Variants in MYO1E observed in about 807,000 individuals in gnomAD.
MYO1E encodes unconventional myosin-Ie.
Under a neutral mutation model 151.1 loss-of-function variants are expected in MYO1E, and 68 were observed. The ratio of observed to expected loss-of-function variants is 0.45; its 90% CI spans 0.37 to 0.55. The LOEUF (loss-of-function observed/expected upper bound fraction) is 0.55, where lower values mean the gene tolerates loss of function less well. MYO1E is among the 20% of genes least tolerant of loss of function. The pLI, the probability that MYO1E is intolerant of heterozygous loss-of-function variation, is 0.00. For synonymous variants in MYO1E, 601 were observed against 501.7 expected, an observed-to-expected ratio of 1.20 and a Z score of -2.64; for missense variants, 1,363 against 1,389.3, an observed-to-expected ratio of 0.98 and a Z score of 0.30.
chr15:59,346,980 G>A (rs1226017807), intron 1 of MYO1E, among the ~76,000 whole-genome samples: 1 of 151,982 alleles, frequency 6.6e-6, no homozygotes, highest in African/African-American at 2.4e-5. Flanking sequence ...ATGAATGGAG[G>A]CCCCTGAAAG....
At chr15:59,189,578 TTTTC>T (rs1180498248) in intron 17 of MYO1E, among the ~76,000 whole-genome samples, 2 of 151,914 alleles carry the variant, frequency 1.3e-5, no homozygotes, top group African/African-American at 2.4e-5. Context: ...ACTTTCTTTC[TTTTC>T]TTTCTTTCTT....
intron 1 of MYO1E, among the ~76,000 whole-genome samples, chr15:59,346,456 A>C (rs1477334896): frequency 1.3e-5 from 2 of 152,198 alleles, no homozygotes; most frequent in Non-Finnish European, 2.9e-5. Flanking sequence ...AAAATGCTAC[A>C]ATCCCTCTAT....
At chr15:59,193,094 T>C (rs770694634) in intron 17 of MYO1E, among the ~76,000 whole-genome samples, 19 of 66,380 alleles carry the variant, frequency 2.9e-4, no homozygotes, top group African/African-American at 4.5e-4. Flanking sequence ...AGATCAGTGA[T>C]TCTCAAAGTG....
intron 1 of MYO1E, among the ~76,000 whole-genome samples, chr15:59,275,540 G>GA (rs1225304470): frequency 6.6e-6 from 1 of 152,052 alleles, no homozygotes; most frequent in African/African-American, 2.4e-5. Context: ...TTTTACTGCT[G>GA]AAAAAACTGT....
intron 17 of MYO1E, among the ~76,000 whole-genome samples, chr15:59,188,505 G>A (rs2079712980): frequency 6.6e-6 from 1 of 152,006 alleles, no homozygotes; most frequent in Admixed American, 6.6e-5. Flanking sequence ...AGACCAGCCT[G>A]GCCAACATGG....
At chr15:59,193,532 G>C (rs2140328997) in intron 17 of MYO1E, among the ~76,000 whole-genome samples, 1 of 152,290 alleles carries the variant, frequency 6.6e-6, no homozygotes, top group East Asian at 1.9e-4. Flanking sequence ...GGCTAAGATG[G>C]GGAATGCTTA....
intron 18 of MYO1E, among the ~76,000 whole-genome samples, chr15:59,180,036 G>A (rs1428172547): frequency 6.6e-6 from 1 of 152,182 alleles, no homozygotes; most frequent in Non-Finnish European, 1.5e-5. Flanking sequence ...ACCTTGAGTG[G>A]CCCTGCCAGC....
At chr15:59,327,891 A>G (rs7170390) in intron 1 of MYO1E, among the ~76,000 whole-genome samples, 28,731 of 152,170 alleles carry the variant, frequency 0.19, 3,407 homozygotes, top group African/African-American at 0.33. Context: ...CCATTTCCAG[A>G]CATGTCTTGG....
At chr15:59,307,404 G>A (rs1429957055) in intron 1 of MYO1E, among the ~76,000 whole-genome samples, 1 of 152,186 alleles carries the variant, frequency 6.6e-6, no homozygotes, top group Non-Finnish European at 1.5e-5. Context: ...ACAGCAGCTG[G>A]GCAGCTGGGG....
At chr15:59,211,372 CTT>C (rs1464037769) in intron 12 of MYO1E, among the ~76,000 whole-genome samples, 2 of 152,092 alleles carry the variant, frequency 1.3e-5, no homozygotes, top group Non-Finnish European at 2.9e-5. Flanking sequence ...TTTGCCAGGT[CTT>C]TCTTATTTCC....
At chr15:59,268,829 G>A (rs916682960) in intron 2 of MYO1E, among the ~76,000 whole-genome samples, 9 of 146,244 alleles carry the variant, frequency 6.2e-5, no homozygotes, top group Non-Finnish European at 1.0e-4. Context: ...AGATATATAA[G>A]ACATAGTCCC....
intron 1 of MYO1E, among the ~76,000 whole-genome samples, chr15:59,330,394 G>C (rs1488065323): frequency 2.0e-5 from 3 of 152,170 alleles, no homozygotes; most frequent in Admixed American, 6.5e-5. Flanking sequence ...GCTGACATTA[G>C]GTCGGTGATG....
At chr15:59,279,357 C>T (rs1207815373) in intron 1 of MYO1E, among the ~76,000 whole-genome samples, 2 of 152,080 alleles carry the variant, frequency 1.3e-5, no homozygotes, top group African/African-American at 4.8e-5. Flanking sequence ...TCATTCAGCC[C>T]GGGACACTTT....
intron 26 of MYO1E, among the ~76,000 whole-genome samples, chr15:59,153,015 A>G (rs1370422085): frequency 6.6e-6 from 1 of 152,176 alleles, no homozygotes; most frequent in Admixed American, 6.5e-5. Flanking sequence ...ACCCCCTTTT[A>G]AAACTGATAG....
Position 59,299,292 on chromosome 15 carries a change from T to C in MYO1E, c.4-26843A>G, listed in dbSNP as rs141110261. ...GTAATGAGATACAAATTACTGGTAG[T>C]GCCCTCCAAAATTCCTCAGGCTTCA... On this transcript the variant is annotated intron_variant, in intron 1 of 27. Coordinates refer to ENST00000288235, the MANE Select transcript of MYO1E (RefSeq NM_004998.4). Among the ~76,000 whole-genome samples, 1,016 of 152,334 alleles carry C rather than the reference T, an allele frequency of 6.7e-3. 6 individuals are homozygous for C. The highest frequency in any genetic ancestry group is 0.023 in the African/African-American group (955 of 41,574).
chr15:59,163,447 C>T lies in MYO1E; in HGVS notation c.2481-144G>A, dbSNP rs902675866. ...TTTCTATAAGTAATAATCTTTCAAACAAAACCAACAACAATGAATTACATA... is the reference window on the plus strand; with the variant it reads ...TTTCTATAAGTAATAATCTTTCAAATAAAACCAACAACAATGAATTACATA... On this transcript the variant is annotated intron_variant, in intron 22 of 27. Coordinates refer to ENST00000288235, the MANE Select transcript of MYO1E (RefSeq NM_004998.4). The T allele has an allele frequency of 1.1e-5, 9 of 821,132 alleles. No homozygotes were observed. The African/African-American group carries it at 1.6e-4, about 14-fold the overall frequency. 50.9% of individuals were successfully genotyped at this position (821,132 alleles called of 1,614,324 possible). A position where few individuals can be genotyped will look rare whatever the true frequency, so the allele number is the denominator to read the frequency against.
At chr15:59,300,295 C>T (rs559478110) in intron 1 of MYO1E, among the ~76,000 whole-genome samples, 44 of 146,798 alleles carry the variant, frequency 3.0e-4, no homozygotes, top group South Asian at 1.5e-3. Flanking sequence ...GCCCAGCACG[C>T]GCACACACAC....
chr15:59,175,630 T>G (rs2079620201), intron 19 of MYO1E, among the ~76,000 whole-genome samples: 1 of 152,234 alleles, frequency 6.6e-6, no homozygotes, highest in South Asian at 2.1e-4. Flanking sequence ...CTGGACAGAA[T>G]GTTTAAAATC....
chr15:59,185,102 T>C (rs1044536383), intron 18 of MYO1E, among the ~76,000 whole-genome samples: 1 of 152,228 alleles, frequency 6.6e-6, no homozygotes, highest in Non-Finnish European at 1.5e-5. Context: ...GAAATGTCTC[T>C]TGAGATCTTT....
Sources: gnomAD v4.1 joint callset for allele counts (sites outside exome capture counted in the v4.1 genomes callset) on GRCh38, gnomAD v4.1.1 for gene constraint, MANE v1.5 for transcripts, NCBI Gene and HGNC (gene_info 2026-07-23, HGNC 2026-07-21) for gene names.